Variants in EIF4H observed in about 807,000 individuals in gnomAD.
EIF4H encodes eukaryotic translation initiation factor 4H.
A neutral mutation model predicts 30.6 loss-of-function variants in EIF4H; 8 were observed. The ratio of observed to expected loss-of-function variants is 0.26; its 90% CI spans 0.15 to 0.47. The LOEUF is 0.47. Ranked by LOEUF, EIF4H falls within the 20% of genes least tolerant of loss-of-function variation. The pLI is 0.99. For missense variants in EIF4H, 188 were observed against 339.5 expected (o/e 0.55, Z 3.51); for synonymous variants, 106 against 122.7 (o/e 0.86, Z 0.90).
chr7:74,189,586 G>C (rs535854917), intron 2 of EIF4H, 87 bp from the exon 3 acceptor site: 2 of 1,464,532 alleles, frequency 1.4e-6, no homozygotes, highest in Admixed American at 3.9e-5. Context: ...TGGTAGTTGT[G>C]ACGTGGAGAA....
intron 1 of EIF4H, among the ~76,000 whole-genome samples, chr7:74,177,338 G>C (rs573912527): frequency 2.0e-4 from 31 of 152,010 alleles, no homozygotes; most frequent in Non-Finnish European, 3.4e-4. Flanking sequence ...TTTTTATGGT[G>C]GTAAAATATA....
At chr7:74,193,052 A>G (rs1439967048) in intron 5 of EIF4H, among the ~76,000 whole-genome samples, 1 of 152,134 alleles carries the variant, frequency 6.6e-6, no homozygotes, top group Non-Finnish European at 1.5e-5. Context: ...CATTGAACTC[A>G]GGGCCAGCTG....
intron 1 of EIF4H, among the ~76,000 whole-genome samples, chr7:74,177,157 C>A (rs1554707784): frequency 2.0e-5 from 3 of 152,092 alleles, no homozygotes; most frequent in African/African-American, 7.2e-5. Context: ...CTATGTTGCC[C>A]AGGCTGGTCT....
chr7:74,192,619 G>T (rs371913629), intron 5 of EIF4H, among the ~76,000 whole-genome samples: 1 of 149,128 alleles, frequency 6.7e-6, no homozygotes, highest in South Asian at 2.1e-4. Flanking sequence ...GTGTGCTACA[G>T]ATCACAACAT....
At chr7:74,187,504 AGT>A in intron 1 of EIF4H, 105 bp from the exon 2 acceptor site, 1 of 1,149,878 alleles carries the variant, frequency 8.7e-7, no homozygotes, top group Non-Finnish European at 1.2e-6. Context: ...CATCGAGCAG[AGT>A]GCCTCACCTG....
intron 5 of EIF4H, 143 bp from the exon 6 acceptor site, chr7:74,194,596 AAC>A: frequency 8.3e-7 from 1 of 1,206,776 alleles, no homozygotes; most frequent in Non-Finnish European, 1.1e-6. Flanking sequence ...ACCCACTTTT[AAC>A]ACACTTTATT....
At chr7:74,180,747 G>A (rs562685214) in intron 1 of EIF4H, among the ~76,000 whole-genome samples, 3 of 152,322 alleles carry the variant, frequency 2.0e-5, no homozygotes, top group African/African-American at 4.8e-5. Context: ...GAGGACCTTC[G>A]AAAGAAGCCT....
At chr7:74,183,377 G>A (rs937214624) in intron 1 of EIF4H, among the ~76,000 whole-genome samples, 1 of 152,184 alleles carries the variant, frequency 6.6e-6, no homozygotes, top group South Asian at 2.1e-4. Flanking sequence ...GTAGCCTCAG[G>A]CCTGTTGGGT....
In EIF4H at chr7:74,197,046, A is replaced by G. The variant is rs1186743411; in HGVS notation, c.*1738A>G. 1 of 152,494 alleles carries G rather than the reference A, an allele frequency of 6.6e-6. No individual in the cohort carries two copies. Among genetic ancestry groups the G allele is most frequent in the Non-Finnish European group, 1.5e-5 (1 of 68,016 alleles). The allele number at this position is 152,494 out of a possible 1,614,324, so 9.4% of individuals were successfully genotyped here. A position where few individuals can be genotyped will look rare whatever the true frequency, so the allele number is the denominator to read the frequency against. On this transcript the variant is annotated 3_prime_UTR_variant, in exon 7 of 7. Transcript: ENST00000265753. ...TATATGACAGAAAGTAAATCTATGGATATGGTATTTTGTGAATGATCTTTT... is the reference window on the plus strand; with the variant it reads ...TATATGACAGAAAGTAAATCTATGGGTATGGTATTTTGTGAATGATCTTTT...
rs782331767 is a variant in EIF4H, at chr7:74,194,725, C to G, written c.470-16C>G. On this transcript the variant is annotated splice_polypyrimidine_tract_variant and intron_variant, in intron 5 of 6. Coordinates refer to ENST00000265753, the MANE Select transcript of EIF4H (RefSeq NM_022170.2). ...GATAGTTTGAAAAGTAATTCAGTGT[C>G]CTGTTTCTTCCTCAGGCTTCAGGGA... is the stretch of plus-strand genomic sequence containing the variant. 6.4e-7 allele frequency: 1 copy of G among 1,561,006 alleles called. No homozygotes were observed. Among genetic ancestry groups the G allele is most frequent in the Non-Finnish European group, 8.7e-7 (1 of 1,146,596 alleles).
At chr7:74,185,513 A>T (rs1049528843) in intron 1 of EIF4H, among the ~76,000 whole-genome samples, 2 of 152,230 alleles carry the variant, frequency 1.3e-5, no homozygotes, top group Non-Finnish European at 2.9e-5. Flanking sequence ...TTAGAACAGA[A>T]CGTGGAACTT....
intron 5 of EIF4H, 111 bp downstream of exon 5, chr7:74,190,417 A>C: frequency 9.3e-7 from 1 of 1,076,926 alleles, no homozygotes; most frequent in South Asian, 1.3e-5. Context: ...TTCCTTTAAC[A>C]AATACAACTC....
intron 1 of EIF4H, among the ~76,000 whole-genome samples, chr7:74,186,602 C>T (rs1397147681): frequency 1.3e-5 from 2 of 151,970 alleles, no homozygotes; most frequent in Admixed American, 6.6e-5. Flanking sequence ...GCAGAGTAAA[C>T]GACGCTTGAT....
chr7:74,189,568 C>T, intron 2 of EIF4H, 105 bp from the exon 3 acceptor site: 1 of 1,311,888 alleles, frequency 7.6e-7, no homozygotes, highest in Non-Finnish European at 1.1e-6. Context: ...ATCATCTAGA[C>T]AACAGAATGG....
intron 1 of EIF4H, among the ~76,000 whole-genome samples, chr7:74,175,707 C>T (rs1238000856): frequency 6.7e-6 from 1 of 149,028 alleles, no homozygotes; most frequent in Non-Finnish European, 1.5e-5. Context: ...CAAGTCATTT[C>T]GAAATTTAAT....
At chr7:74,176,817 A>G (rs1359045100) in intron 1 of EIF4H, among the ~76,000 whole-genome samples, 1 of 152,242 alleles carries the variant, frequency 6.6e-6, no homozygotes, top group Non-Finnish European at 1.5e-5. Context: ...AATCAAAACA[A>G]AATTCCAAAT....
At chr7:74,177,033 G>A (rs1411121135) in intron 1 of EIF4H, among the ~76,000 whole-genome samples, 1 of 152,206 alleles carries the variant, frequency 6.6e-6, no homozygotes, top group African/African-American at 2.4e-5. Context: ...GAGGTGGCAA[G>A]AATTGAGGTG....
intron 1 of EIF4H, among the ~76,000 whole-genome samples, chr7:74,178,060 C>T (rs1417459257): frequency 6.6e-6 from 1 of 152,106 alleles, no homozygotes; most frequent in Non-Finnish European, 1.5e-5. Context: ...CCCACCTCAG[C>T]CTCCCAAGTA....
At chr7:74,194,309 AT>A (rs1801292577) in intron 5 of EIF4H, among the ~76,000 whole-genome samples, 1 of 152,080 alleles carries the variant, frequency 6.6e-6, no homozygotes, top group South Asian at 2.1e-4. Context: ...TTTTCTTGTG[AT>A]TTTTGTGTTC....
Sources: allele counts gnomAD v4.1 joint callset (sites outside exome capture counted in the v4.1 genomes callset), GRCh38; gene constraint gnomAD v4.1.1; transcripts MANE v1.5; gene names NCBI Gene and HGNC (gene_info 2026-07-23, HGNC 2026-07-21).